The following RABGAP1L variants were observed in gnomAD, a reference collection of about 807,000 sequenced individuals.
RABGAP1L encodes rab GTPase-activating protein 1-like.
RABGAP1L carries 63 observed loss-of-function variants against 137.7 expected under a neutral mutation model. That is an observed-to-expected ratio of 0.46 (90% CI 0.37 to 0.56). The LOEUF is 0.56. Among genes scored for constraint, RABGAP1L ranks in the 20% least tolerant of loss-of-function variants. RABGAP1L has a pLI of 0.00. For missense variants in RABGAP1L, 1,095 were observed against 1,244.0 expected (o/e 0.88, Z 1.80); for synonymous variants, 431 against 433.7 (o/e 0.99, Z 0.08).
intron 14 of RABGAP1L, among the ~76,000 whole-genome samples, chr1:174,674,932 GTTGT>G (rs1261708105): frequency 2.0e-5 from 3 of 152,160 alleles, no homozygotes; most frequent in East Asian, 3.8e-4. Context: ...TTTTGATGGG[GTTGT>G]TTGTTTTTTA....
chr1:174,435,780 C>T (rs1364081087), intron 13 of RABGAP1L, among the ~76,000 whole-genome samples: 3 of 150,944 alleles, frequency 2.0e-5, no homozygotes, highest in African/African-American at 7.4e-5. Context: ...GCATTAGGTA[C>T]ATCTCCTAAT....
intron 17 of RABGAP1L, among the ~76,000 whole-genome samples, chr1:174,717,860 A>G (rs945202943): frequency 6.6e-6 from 1 of 152,234 alleles, no homozygotes; most frequent in Non-Finnish European, 1.5e-5. Context: ...AGAAAAAGGA[A>G]GTACGTTAGT....
intron 1 of RABGAP1L, among the ~76,000 whole-genome samples, chr1:174,167,466 A>G (rs1665009574): frequency 6.6e-6 from 1 of 152,210 alleles, no homozygotes. Flanking sequence ...CCACCTGGCA[A>G]ATGGTTGAAA....
intron 19 of RABGAP1L, among the ~76,000 whole-genome samples, chr1:174,912,905 A>G (rs1342338170): frequency 6.6e-6 from 1 of 152,028 alleles, no homozygotes; most frequent in African/African-American, 2.4e-5. Context: ...TTTATCATAT[A>G]TGGCACAGAC....
chr1:174,214,593 A>G (rs1415533695), intron 1 of RABGAP1L, among the ~76,000 whole-genome samples: 3 of 152,236 alleles, frequency 2.0e-5, no homozygotes, highest in East Asian at 3.8e-4. Context: ...ATTATGCTCC[A>G]TAGCTATAGT....
At chr1:174,694,778 G>T (rs1390779710) in intron 15 of RABGAP1L, among the ~76,000 whole-genome samples, 1 of 151,570 alleles carries the variant, frequency 6.6e-6, no homozygotes, top group African/African-American at 2.4e-5. Flanking sequence ...TCGCCACACT[G>T]ACTTCCACAA....
intron 13 of RABGAP1L, among the ~76,000 whole-genome samples, chr1:174,471,168 G>T (rs1657893697): frequency 1.3e-5 from 2 of 152,122 alleles, no homozygotes; most frequent in Admixed American, 1.3e-4. Flanking sequence ...ATGTTTTTGT[G>T]TTTGAGTTCA....
At chr1:174,494,844 G>T (rs574878782) in intron 13 of RABGAP1L, among the ~76,000 whole-genome samples, 17 of 152,146 alleles carry the variant, frequency 1.1e-4, no homozygotes, top group Non-Finnish European at 2.1e-4. Flanking sequence ...GGAAAAAGGG[G>T]AGAGGGTGTT....
chr1:174,631,454 C>T (rs2148313949), intron 13 of RABGAP1L, among the ~76,000 whole-genome samples: 1 of 94,358 alleles, frequency 1.1e-5, no homozygotes, highest in Non-Finnish European at 1.9e-5. Flanking sequence ...TCCTTGTTGA[C>T]TTTCTGTCTC....
intron 19 of RABGAP1L, chr1:174,874,578 CTTTTTTTTTTTTTT>C (rs10530813): frequency 0.095 from 22,048 of 232,994 alleles, 618 homozygotes; most frequent in Non-Finnish European, 0.1. Context: ...ACACCACTGC[CTTTTTTTTTTTTTT>C]TTTTTTTTTT....
At chr1:174,611,237 G>T (rs1441533205) in intron 13 of RABGAP1L, among the ~76,000 whole-genome samples, 29 of 148,948 alleles carry the variant, frequency 1.9e-4, no homozygotes, top group African/African-American at 7.1e-4. Context: ...TTTGTATAAG[G>T]TGTAAGGAAG....
chr1:174,419,858 C>A (rs933410784), intron 13 of RABGAP1L, among the ~76,000 whole-genome samples: 3 of 152,058 alleles, frequency 2.0e-5, no homozygotes, highest in African/African-American at 7.2e-5. Context: ...ATGTTTTTTT[C>A]TCTTGGGTTT....
chr1:174,255,529 C>T lies in RABGAP1L; in HGVS notation c.986+2939C>T, dbSNP rs570487655. Among the ~76,000 whole-genome samples the T allele has an allele frequency of 6.6e-5, 10 of 152,128 alleles. No homozygotes were observed. The East Asian group carries it at 1.7e-3, about 26-fold the overall frequency. ...CATTTTACCTAATTTGCTTTGCATT[C>T]TCTTTCTTTTTTTGAGACAAAGTCT... On this transcript the variant is annotated intron_variant, in intron 7 of 25. Coordinates refer to ENST00000681986, the MANE Select transcript of RABGAP1L (RefSeq NM_001366446.1).
intron 19 of RABGAP1L, among the ~76,000 whole-genome samples, chr1:174,872,495 C>A (rs894756922): frequency 6.6e-6 from 1 of 151,680 alleles, no homozygotes; most frequent in African/African-American, 2.4e-5. Flanking sequence ...TAGATAGAAA[C>A]CTGCTTGGAA....
intron 13 of RABGAP1L, among the ~76,000 whole-genome samples, chr1:174,407,562 AT>A (rs1649420110): frequency 6.6e-6 from 1 of 152,034 alleles, no homozygotes; most frequent in East Asian, 1.9e-4. Context: ...AAGTCCAAGG[AT>A]TTTGCATGTG....
At chr1:174,619,824 A>G (rs984996817) in intron 13 of RABGAP1L, among the ~76,000 whole-genome samples, 5 of 152,238 alleles carry the variant, frequency 3.3e-5, no homozygotes, top group African/African-American at 1.2e-4. Flanking sequence ...TAAATGCTCC[A>G]ATTAAAAGAC....
At chr1:174,800,160 G>T in intron 18 of RABGAP1L, 1 of 1,392,982 alleles carries the variant, frequency 7.2e-7, no homozygotes, top group Non-Finnish European at 9.3e-7. Flanking sequence ...TTCTCGCAGT[G>T]GATAATTTAG....
At chr1:174,623,964 A>G (rs1202885494) in intron 13 of RABGAP1L, among the ~76,000 whole-genome samples, 4 of 152,224 alleles carry the variant, frequency 2.6e-5, no homozygotes, top group Non-Finnish European at 5.9e-5. Context: ...CCAAACTGGA[A>G]CCAATGGCTT....
chr1:174,470,423 G>A (rs1042882078), intron 13 of RABGAP1L, among the ~76,000 whole-genome samples: 58 of 152,292 alleles, frequency 3.8e-4, no homozygotes, highest in African/African-American at 1.3e-3. Flanking sequence ...TTTTATTCAT[G>A]CATCCATGTT....
Sources: gnomAD v4.1 joint callset for allele counts (sites outside exome capture counted in the v4.1 genomes callset) on GRCh38, gnomAD v4.1.1 for gene constraint, MANE v1.5 for transcripts, NCBI Gene and HGNC (gene_info 2026-07-23, HGNC 2026-07-21) for gene names.